CORO7: variants seen among roughly 807,000 people sequenced by gnomAD.
The protein encoded by CORO7 is coronin-7.
In CORO7, 107 loss-of-function variants were observed where a neutral mutation model predicts 126.6. The ratio of observed to expected loss-of-function variants is 0.85; its 90% CI spans 0.72 to 0.99. The LOEUF (loss-of-function observed/expected upper bound fraction) is 0.99. Ranked by LOEUF, CORO7 falls within the 50% of genes least tolerant of loss-of-function variation. CORO7 has a pLI of 0.00. For synonymous variants in CORO7, 603 were observed against 536.8 expected, an observed-to-expected ratio of 1.12 and a Z score of -1.70; for missense variants, 1,314 against 1,255.8, an observed-to-expected ratio of 1.05 and a Z score of -0.70.
chr16:4,368,162 C>A (rs1484656539), intron 9 of CORO7, among the ~76,000 whole-genome samples: 1 of 151,806 alleles, frequency 6.6e-6, no homozygotes, highest in African/African-American at 2.4e-5. Flanking sequence ...GCCAGGCCAA[C>A]ATGATGAAAC....
chr16:4,415,290 T>C (rs2056366382), intron 1 of CORO7, among the ~76,000 whole-genome samples: 1 of 152,182 alleles, frequency 6.6e-6, no homozygotes, highest in South Asian at 2.1e-4. Context: ...CATCCACTCA[T>C]GCTCACTTTC....
intron 25 of CORO7, 123 bp downstream of exon 25, chr16:4,357,845 C>A: frequency 6.8e-7 from 1 of 1,478,160 alleles, no homozygotes; most frequent in Non-Finnish European, 9.0e-7. Context: ...GACACAGCCA[C>A]TCCACCCTCC....
At chr16:4,366,535 CTTTT>C (rs544549233) in intron 9 of CORO7, among the ~76,000 whole-genome samples, 9 of 114,400 alleles carry the variant, frequency 7.9e-5, no homozygotes, top group African/African-American at 2.2e-4. Flanking sequence ...CTGATCTTTG[CTTTT>C]TTTTTTTTTT....
chr16:4,385,906 G>T (rs1297928568), intron 9 of CORO7, among the ~76,000 whole-genome samples: 1 of 152,234 alleles, frequency 6.6e-6, no homozygotes, highest in Non-Finnish European at 1.5e-5. Flanking sequence ...AGAACTCGAG[G>T]GTGGTGGAGT....
intron 7 of CORO7, among the ~76,000 whole-genome samples, chr16:4,394,519 C>T (rs553504433): frequency 1.3e-5 from 2 of 152,160 alleles, no homozygotes; most frequent in Non-Finnish European, 2.9e-5. Context: ...TATCCCCCAG[C>T]GCCCCTCGCG....
chr16:4,374,530 G>A (rs1179936900), intron 9 of CORO7, among the ~76,000 whole-genome samples: 2 of 152,170 alleles, frequency 1.3e-5, no homozygotes, highest in Admixed American at 6.5e-5. Flanking sequence ...TAAGGAGGGA[G>A]GAGGGAGCCG....
intron 7 of CORO7, 125 bp downstream of exon 7, chr16:4,395,164 C>T: frequency 7.2e-7 from 1 of 1,383,426 alleles, no homozygotes; most frequent in Non-Finnish European, 1.0e-6. Flanking sequence ...CTCCTGGGGA[C>T]CCCTGGTGCT....
chr16:4,415,692 C>A lies in CORO7; in HGVS notation c.60+767G>T, dbSNP rs58211262. On this transcript the variant is annotated intron_variant, in intron 1 of 27. Coordinates refer to ENST00000251166, the MANE Select transcript of CORO7 (RefSeq NM_024535.5). ...GAGGTCAACTCCTAGGCCCAGTTAT[C>A]GGAGGACACTCCCAGGCCTTACAAA... The A allele has an allele frequency of 4.3e-4, 427 of 985,244 alleles. 3 individuals carry two copies. The African/African-American group carries it at 6.6e-3, about 15-fold the overall frequency. 61.0% of individuals were successfully genotyped at this position (985,244 alleles called of 1,614,324 possible).
At chr16:4,396,710 G>A (rs1021493291) in intron 6 of CORO7, among the ~76,000 whole-genome samples, 7 of 152,020 alleles carry the variant, frequency 4.6e-5, no homozygotes, top group African/African-American at 1.7e-4. Flanking sequence ...TAAACAACTG[G>A]AATTTGAAAT....
At chr16:4,382,123 A>C in intron 9 of CORO7, 4 of 1,588,998 alleles carry the variant, frequency 2.5e-6, no homozygotes, top group Non-Finnish European at 3.4e-6. Context: ...CACCTGCCTC[A>C]ATGGGGGCAC....
rs768828979 is a variant in CORO7 at position 4,360,977 on chromosome 16, G to C, written c.1883C>G (p.Ala628Gly). 1.2e-6 allele frequency: 2 copies of C among 1,612,528 alleles called. No homozygotes were observed. The highest frequency in any genetic ancestry group is 2.7e-5 in the African/African-American group (2 of 74,918). ...TVRIWDLQAG[A>G]DRLKLQGHQD... ...GTGGCCCTGCAGCTTCAGCCGATCAGCTCCAGCCTGAAGGTCCCAGATGCG... is the reference window on the plus strand; with the variant it reads ...GTGGCCCTGCAGCTTCAGCCGATCACCTCCAGCCTGAAGGTCCCAGATGCG... The change falls in exon 19 of 28, where the codon GCT becomes GGT. Residue 628 changes from alanine to glycine, a missense_variant. Ala to Gly is a moderately conservative substitution (Grantham distance 60). Coordinates refer to ENST00000251166, the MANE Select transcript of CORO7 (RefSeq NM_024535.5).
At chr16:4,363,553 A>C (rs1203152401) in intron 14 of CORO7, among the ~76,000 whole-genome samples, 1 of 151,950 alleles carries the variant, frequency 6.6e-6, no homozygotes, top group Non-Finnish European at 1.5e-5. Context: ...AAAGATACTA[A>C]AGATACAAAT....
intron 7 of CORO7, 69 bp downstream of exon 7, chr16:4,395,220 T>G (rs1460058089): frequency 6.2e-7 from 1 of 1,610,090 alleles, no homozygotes; most frequent in African/African-American, 1.3e-5. Context: ...TACCTCCACC[T>G]GCTAGAACCA....
chr16:4,398,564 G>A (rs142563361), intron 6 of CORO7, among the ~76,000 whole-genome samples: 1 of 152,186 alleles, frequency 6.6e-6, no homozygotes, highest in Non-Finnish European at 1.5e-5. Context: ...TACTCGGGAG[G>A]CTGAGGAAGG....
At chr16:4,386,791 C>T (rs1025130643) in intron 9 of CORO7, among the ~76,000 whole-genome samples, 13 of 152,182 alleles carry the variant, frequency 8.5e-5, no homozygotes, top group African/African-American at 1.2e-4. Context: ...TGGGAAAGGG[C>T]GTCACTGTCA....
chr16:4,379,932 C>T (rs1274130624), intron 9 of CORO7, among the ~76,000 whole-genome samples: 1 of 143,634 alleles, frequency 7.0e-6, no homozygotes, highest in African/African-American at 2.5e-5. Flanking sequence ...GTGGCTGGCA[C>T]CTGTAGTCCC....
Position 4,408,250 on chromosome 16 carries a change from G to A in CORO7, c.234C>T (p.Asp78=), listed in dbSNP as rs574460410. 4 of 1,614,222 alleles carry A rather than the reference G, an allele frequency of 2.5e-6. No individual in the cohort carries two copies. The highest frequency in any genetic ancestry group is 3.4e-6 in the Non-Finnish European group (4 of 1,180,040). ...GCGAGAAGTCCAAGTCGGTGACTAG[G>A]TCTGTGGGAGAGGAATGGCTGAACC... ...RRVAHLGCHS[D]LVTDLDFSPF... Residue 78 remains aspartate (D), a splice_region_variant and synonymous_variant, in exon 4 of 28, where the codon GAC becomes GAT. Coordinates refer to ENST00000251166, the MANE Select transcript of CORO7 (RefSeq NM_024535.5).
intron 7 of CORO7, among the ~76,000 whole-genome samples, chr16:4,393,526 G>A (rs1443731232): frequency 6.6e-6 from 1 of 152,206 alleles, no homozygotes; most frequent in African/African-American, 2.4e-5. Context: ...TGACTGTACC[G>A]TTTGGACTAA....
chr16:4,360,578 C>A lies in CORO7; in HGVS notation c.1918-30G>T, dbSNP rs145131597. On this transcript the variant is annotated intron_variant, in intron 19 of 27. Transcript: ENST00000251166. ...GGGCAGGAAGGGATATGAGAGACAG[C>A]CTTGCTTCACTGCTGGCCCCACCTC... 9.3e-4 allele frequency: 1,448 copies of A among 1,564,452 alleles called. 12 individuals are homozygous for A. In the African/African-American group the frequency reaches 0.017, roughly 18 times the overall value.
Sources: allele counts gnomAD v4.1 joint callset (sites outside exome capture counted in the v4.1 genomes callset), GRCh38; gene constraint gnomAD v4.1.1; transcripts MANE v1.5; gene names NCBI Gene and HGNC (gene_info 2026-07-23, HGNC 2026-07-21).